TMEM51: variants seen among roughly 807,000 people sequenced by gnomAD.
TMEM51 encodes the protein transmembrane protein 51, also known as chromosome 1 open reading frame 72.
In TMEM51, 8 loss-of-function variants were observed where a neutral mutation model predicts 13.6. The observed-to-expected ratio is 0.59, with a 90% CI of 0.35 to 1.07. The LOEUF (loss-of-function observed/expected upper bound fraction) is 1.07, where lower values mean the gene tolerates loss of function less well. Ranked by LOEUF, TMEM51 falls within the 50% of genes least tolerant of loss-of-function variation. The probability of loss-of-function intolerance (pLI) is 0.02; values close to 1 mark genes in which losing one functional copy is unlikely to be tolerated. For missense variants in TMEM51, 279 were observed against 330.7 expected (o/e 0.84, Z 1.21); for synonymous variants, 147 against 144.4 (o/e 1.02, Z -0.13).
At chr1:15,191,877 C>A (rs973237595) in intron 1 of TMEM51, 15 of 522,018 alleles carry the variant, frequency 2.9e-5, no homozygotes, top group Admixed American at 5.9e-5. Flanking sequence ...AATTGACTTA[C>A]GTGACCATTT....
chr1:15,213,989 G>T (rs1380703100), intron 2 of TMEM51, among the ~76,000 whole-genome samples: 1 of 150,244 alleles, frequency 6.7e-6, no homozygotes, highest in Admixed American at 6.6e-5. Flanking sequence ...TTACTGGCAC[G>T]TGCCACAGCA....
chr1:15,191,080 C>T (rs1643912161), intron 1 of TMEM51, among the ~76,000 whole-genome samples: 1 of 152,234 alleles, frequency 6.6e-6, no homozygotes, highest in South Asian at 2.1e-4. Context: ...AGCCACTGCT[C>T]CCGGCCCCAC....
At chr1:15,196,905 A>G (rs935956092) in intron 1 of TMEM51, among the ~76,000 whole-genome samples, 1 of 152,104 alleles carries the variant, frequency 6.6e-6, no homozygotes, top group Non-Finnish European at 1.5e-5. Context: ...GCATTCTAGG[A>G]CTCTTTCAAA....
At chr1:15,180,169 T>G (rs987213491) in intron 1 of TMEM51, among the ~76,000 whole-genome samples, 11 of 151,578 alleles carry the variant, frequency 7.3e-5, no homozygotes, top group Middle Eastern at 3.4e-3. Flanking sequence ...ATTGCTAAAG[T>G]CTCTTCTGGC....
intron 1 of TMEM51, among the ~76,000 whole-genome samples, chr1:15,169,889 C>A (rs934689578): frequency 4.6e-5 from 7 of 152,184 alleles, no homozygotes; most frequent in Non-Finnish European, 1.0e-4. Flanking sequence ...TTATTCCTAA[C>A]AGATTACAAG....
At chr1:15,178,976 C>G (rs564691120) in intron 1 of TMEM51, among the ~76,000 whole-genome samples, 28 of 152,280 alleles carry the variant, frequency 1.8e-4, no homozygotes, top group African/African-American at 6.7e-4. Flanking sequence ...CACCCAGAAT[C>G]GGTTCAACTT....
In TMEM51 at chr1:15,180,222, C is replaced by T. The variant is rs561173324; in HGVS notation, c.-267+26268C>T. Reference sequence around the variant, plus strand: ...GTCTTTGCAGTTGTTGAGCATTTACCATTAGTCTGTTTTTAAGCATAAACC... The same window carrying T: ...GTCTTTGCAGTTGTTGAGCATTTACTATTAGTCTGTTTTTAAGCATAAACC... On this transcript the variant is annotated intron_variant, in intron 1 of 3. Coordinates refer to ENST00000376008, the MANE Select transcript of TMEM51 (RefSeq NM_001136218.2). 2.4e-4 allele frequency among the ~76,000 whole-genome samples: 36 copies of T among 152,190 alleles called. 1 individual carries two copies. Among genetic ancestry groups the T allele is most frequent in the South Asian group, 4.1e-4 (2 of 4,832 alleles).
upstream of TMEM51, among the ~76,000 whole-genome samples, chr1:15,153,199 G>A (rs578138208): frequency 1.4e-5 from 2 of 141,714 alleles, no homozygotes; most frequent in African/African-American, 2.6e-5. Flanking sequence ...AGGGCAGAAG[G>A]GGGAGAGGGA....
chr1:15,214,980 G>A lies in TMEM51; in HGVS notation c.-108G>A, dbSNP rs1293078363. The A allele has an allele frequency of 9.4e-7, 1 of 1,062,502 alleles. No homozygotes were observed. Among genetic ancestry groups the A allele is most frequent in the Non-Finnish European group, 1.3e-6 (1 of 746,474 alleles). 65.8% of individuals were successfully genotyped at this position (1,062,502 alleles called of 1,614,324 possible). ...GAGTTCAGCTGATATTTTCTAGTGT[G>A]GGGCGAGAGATTTTGTGGAGCGCAT... On this transcript the variant is annotated 5_prime_UTR_variant, in exon 3 of 4. Coordinates refer to ENST00000376008, the MANE Select transcript of TMEM51 (RefSeq NM_001136218.2).
intron 2 of TMEM51, among the ~76,000 whole-genome samples, chr1:15,211,066 A>G (rs1371795153): frequency 2.0e-5 from 3 of 152,258 alleles, no homozygotes; most frequent in African/African-American, 4.8e-5. Flanking sequence ...TCTGTTTTCT[A>G]ATTCTTATTC....
At chr1:15,171,115 A>AC in intron 1 of TMEM51, 1 of 428,138 alleles carries the variant, frequency 2.3e-6, no homozygotes, top group Non-Finnish European at 3.5e-6. Context: ...ACCCCCCGCC[A>AC]CATCCCCCAC....
intron 1 of TMEM51, among the ~76,000 whole-genome samples, chr1:15,184,946 C>T (rs1643726972): frequency 6.6e-6 from 1 of 151,800 alleles, no homozygotes; most frequent in Non-Finnish European, 1.5e-5. Flanking sequence ...ACAGCACTCC[C>T]AACAAAGAAT....
At chr1:15,187,584 A>C (rs1425821678) in intron 1 of TMEM51, among the ~76,000 whole-genome samples, 1 of 152,084 alleles carries the variant, frequency 6.6e-6, no homozygotes, top group African/African-American at 2.4e-5. Flanking sequence ...TGTTTGCTGG[A>C]TGTAGATCAT....
intron 1 of TMEM51, among the ~76,000 whole-genome samples, chr1:15,194,762 C>T (rs778947035): frequency 1.1e-4 from 17 of 152,096 alleles, no homozygotes; most frequent in South Asian, 4.2e-4. Context: ...TTCTCATTTC[C>T]GTGGATGATA....
chr1:15,160,539 G>A (rs1240598677), intron 1 of TMEM51, among the ~76,000 whole-genome samples: 1 of 152,020 alleles, frequency 6.6e-6, no homozygotes, highest in Non-Finnish European at 1.5e-5. Flanking sequence ...CTCTCAAAGT[G>A]CTAGGATTAC....
At chr1:15,193,142 T>C (rs942542210) in intron 1 of TMEM51, among the ~76,000 whole-genome samples, 1 of 152,172 alleles carries the variant, frequency 6.6e-6, no homozygotes, top group African/African-American at 2.4e-5. Flanking sequence ...GGGAGGAATC[T>C]GAGAAGCCCA....
chr1:15,167,351 AAAAAAG>A (rs1165782363), intron 1 of TMEM51, among the ~76,000 whole-genome samples: 3 of 148,952 alleles, frequency 2.0e-5, no homozygotes, highest in Admixed American at 6.6e-5. Flanking sequence ...AAAAAAAAAA[AAAAAAG>A]AATACATTTG....
At chr1:15,175,440 C>T (rs1235670369) in intron 1 of TMEM51, among the ~76,000 whole-genome samples, 1 of 152,108 alleles carries the variant, frequency 6.6e-6, no homozygotes, top group Admixed American at 6.6e-5. Flanking sequence ...TAAACTAGGG[C>T]TGTAAGCTCC....
chr1:15,215,009 AG>A lies in TMEM51; in HGVS notation c.-75del. On this transcript the variant is annotated 5_prime_UTR_variant, in exon 3 of 4. An upstream open reading frame in the 5' UTR loses its in-frame stop. Coordinates refer to ENST00000376008, the MANE Select transcript of TMEM51 (RefSeq NM_001136218.2). The stretch of plus-strand genomic sequence containing the variant: ...CGAGAGATTTTGTGGAGCGCATTTA[AG>A]GGGTTTTTGTTGTGACTGCTGCCTT... 7.5e-7 allele frequency: 1 copy of A among 1,325,532 alleles called. No homozygotes were observed. Among genetic ancestry groups the A allele is most frequent in the Non-Finnish European group, 1.0e-6 (1 of 964,978 alleles). 82.1% of individuals were successfully genotyped at this position (1,325,532 alleles called of 1,614,324 possible).
Sources: allele counts gnomAD v4.1 joint callset (sites outside exome capture counted in the v4.1 genomes callset), GRCh38; gene constraint gnomAD v4.1.1; transcripts MANE v1.5; gene names NCBI Gene and HGNC (gene_info 2026-07-23, HGNC 2026-07-21).